Variants in MDGA2 observed in about 807,000 individuals in gnomAD.
MDGA2 encodes the protein MAM domain-containing glycosylphosphatidylinositol anchor protein 2.
In MDGA2, 40 loss-of-function variants were observed where a neutral mutation model predicts 117.8. That is an observed-to-expected ratio of 0.34 (90% confidence interval 0.26 to 0.44). MDGA2 has a LOEUF of 0.44. MDGA2 is among the 20% of genes least tolerant of loss of function. MDGA2 has a pLI of 1.00. For missense variants in MDGA2, 1,123 were observed against 1,250.6 expected (o/e 0.90, Z 1.54); for synonymous variants, 452 against 439.0 (o/e 1.03, Z -0.37).
At chr14:47,082,997 G>C (rs190279488) in intron 6 of MDGA2, among the ~76,000 whole-genome samples, 72 of 152,108 alleles carry the variant, frequency 4.7e-4, no homozygotes, top group African/African-American at 1.6e-3. Context: ...TGGTGAACAA[G>C]AAGATGGAAC....
At chr14:47,450,407 A>G (rs1893217020) in intron 1 of MDGA2, among the ~76,000 whole-genome samples, 1 of 152,052 alleles carries the variant, frequency 6.6e-6, no homozygotes, top group Non-Finnish European at 1.5e-5. Flanking sequence ...TCCAGCCTCA[A>G]ATGAGTTGCA....
rs547656916 is a variant in MDGA2, at chr14:47,631,854, C to T, written c.280+42663G>A. Among the ~76,000 whole-genome samples the T allele has an allele frequency of 6.6e-5, 10 of 152,106 alleles. No homozygotes were observed. In the East Asian group the frequency reaches 1.7e-3, roughly 26 times the overall value. On this transcript the variant is annotated intron_variant, in intron 1 of 16. Transcript: ENST00000399232. ...TCCAACCCACACCCTGCAGGCCGCA[C>T]GTGGCCCAGGACAGCTTTGAATGCC... is the stretch of plus-strand genomic sequence containing the variant.
At chr14:47,405,446 T>A (rs1351006903) in intron 1 of MDGA2, among the ~76,000 whole-genome samples, 8 of 152,212 alleles carry the variant, frequency 5.3e-5, no homozygotes, top group Admixed American at 5.2e-4. Flanking sequence ...TAATCATTCA[T>A]TTCTCTTTCT....
At chr14:47,172,459 G>T (rs575305802) in intron 3 of MDGA2, among the ~76,000 whole-genome samples, 6 of 151,850 alleles carry the variant, frequency 4.0e-5, no homozygotes, top group African/African-American at 1.5e-4. Context: ...AACTTCCAGC[G>T]GAACGATCAG....
At chr14:46,984,111 G>C (rs951350094) in intron 8 of MDGA2, among the ~76,000 whole-genome samples, 2 of 151,552 alleles carry the variant, frequency 1.3e-5, no homozygotes, top group Admixed American at 6.6e-5. Context: ...CAACCCCCAG[G>C]GCATATGTAC....
intron 1 of MDGA2, among the ~76,000 whole-genome samples, chr14:47,508,358 T>TCTCTCTCTC (rs1176536894): frequency 2.8e-5 from 4 of 144,756 alleles, no homozygotes; most frequent in Non-Finnish European, 6.0e-5. Context: ...ATTGACTCTC[T>TCTCTCTCTC]CTCTCTCTCT....
chr14:47,571,521 T>C (rs149768297), intron 1 of MDGA2, among the ~76,000 whole-genome samples: 197 of 152,192 alleles, frequency 1.3e-3, no homozygotes, highest in African/African-American at 4.6e-3. Context: ...CCATTAATGA[T>C]AGACTGGATT....
At chr14:47,578,598 G>C (rs1027433637) in intron 1 of MDGA2, among the ~76,000 whole-genome samples, 1 of 152,030 alleles carries the variant, frequency 6.6e-6, no homozygotes, top group Non-Finnish European at 1.5e-5. Context: ...AAGTTTGCTA[G>C]TTTTACTAAT....
At chr14:46,919,466 T>C (rs1170102454) in intron 10 of MDGA2, among the ~76,000 whole-genome samples, 1 of 152,252 alleles carries the variant, frequency 6.6e-6, no homozygotes, top group Non-Finnish European at 1.5e-5. Context: ...ATACAGTTTT[T>C]TCCACATAAC....
intron 3 of MDGA2, among the ~76,000 whole-genome samples, chr14:47,157,715 G>A (rs1167204629): frequency 6.6e-6 from 1 of 151,822 alleles, no homozygotes; most frequent in Non-Finnish European, 1.5e-5. Flanking sequence ...TGTGTGGTGG[G>A]AGGGACCCAG....
At position 47,454,160 on chromosome 14, in the gene MDGA2, CT is replaced by C. The variant is rs377214915; in HGVS notation, c.281-152611del. ...AAATGTAGCCTCTTTGTTCTTTAGGCTGCTGATCCAAGTGATTGATTGACAC... is the reference window on the plus strand; with the variant it reads ...AAATGTAGCCTCTTTGTTCTTTAGGCGCTGATCCAAGTGATTGATTGACAC... On this transcript the variant is annotated intron_variant, in intron 1 of 16. Transcript: ENST00000399232. 9.2e-3 allele frequency among the ~76,000 whole-genome samples: 1,394 copies of C among 152,296 alleles called. 18 individuals carry two copies. Among genetic ancestry groups the C allele is most frequent in the African/African-American group, 0.032 (1,330 of 41,572 alleles).
intron 1 of MDGA2, among the ~76,000 whole-genome samples, chr14:47,417,720 T>C (rs7142096): frequency 0.64 from 96,761 of 151,858 alleles, 30,942 homozygotes; most frequent in Middle Eastern, 0.74. Context: ...CAATTTTCCT[T>C]CTTTTTATTT....
At chr14:46,958,890 T>C (rs1267228246) in intron 8 of MDGA2, among the ~76,000 whole-genome samples, 1 of 152,236 alleles carries the variant, frequency 6.6e-6, no homozygotes, top group Non-Finnish European at 1.5e-5. Context: ...CTGTTCTGGG[T>C]GTGCCCACTA....
intron 11 of MDGA2, among the ~76,000 whole-genome samples, chr14:46,880,923 A>G (rs185663716): frequency 2.2e-4 from 34 of 151,764 alleles, no homozygotes; most frequent in Non-Finnish European, 4.4e-4. Flanking sequence ...AAAGTTCTGC[A>G]CTAATTTCTA....
chr14:47,195,346 C>T (rs1885251922), intron 3 of MDGA2, among the ~76,000 whole-genome samples: 1 of 151,902 alleles, frequency 6.6e-6, no homozygotes, highest in Admixed American at 6.6e-5. Context: ...TCTCAAATCT[C>T]CAAGGAGCAC....
intron 1 of MDGA2, among the ~76,000 whole-genome samples, chr14:47,423,645 T>G (rs897571098): frequency 2.6e-5 from 4 of 152,166 alleles, no homozygotes; most frequent in African/African-American, 9.7e-5. Context: ...ATTAGGATGC[T>G]TTATTTTCTT....
intron 1 of MDGA2, among the ~76,000 whole-genome samples, chr14:47,575,344 C>CA (rs1896096601): frequency 6.6e-6 from 1 of 151,868 alleles, no homozygotes; most frequent in African/African-American, 2.4e-5. Context: ...AAATAGCAAG[C>CA]AAAAAAATCT....
At chr14:47,256,097 C>CTTT (rs113355073) in intron 2 of MDGA2, among the ~76,000 whole-genome samples, 1 of 136,112 alleles carries the variant, frequency 7.3e-6, no homozygotes, top group South Asian at 2.4e-4. Context: ...AATCAAATTT[C>CTTT]TTTTTTTTTT....
chr14:47,231,468 A>G (rs1156339119), intron 2 of MDGA2, among the ~76,000 whole-genome samples: 1 of 152,090 alleles, frequency 6.6e-6, no homozygotes. Flanking sequence ...TGACTCCAGT[A>G]GCTTTAATTT....
Sources: gnomAD v4.1 joint callset for allele counts (sites outside exome capture counted in the v4.1 genomes callset) on GRCh38, gnomAD v4.1.1 for gene constraint, MANE v1.5 for transcripts, NCBI Gene and HGNC (gene_info 2026-07-23, HGNC 2026-07-21) for gene names.